The following ARHGEF1 variants were observed in gnomAD, a reference collection of about 807,000 sequenced individuals.
ARHGEF1 encodes 115 kDa guanine nucleotide exchange factor.
In ARHGEF1, 40 loss-of-function variants were observed where a neutral mutation model predicts 119.7. The ratio of observed to expected loss-of-function variants is 0.33; its 90% confidence interval spans 0.26 to 0.44. The LOEUF (loss-of-function observed/expected upper bound fraction) is 0.44. Ranked by LOEUF, ARHGEF1 falls within the 20% of genes least tolerant of loss-of-function variation. The pLI is 1.00. For synonymous variants in ARHGEF1, 494 were observed against 521.0 expected (o/e 0.95, Z 0.71); for missense variants, 976 against 1,268.3 (o/e 0.77, Z 3.50).
At chr19:41,910,096 C>T, downstream of ARHGEF1, 2 of 1,611,826 alleles carry the variant, frequency 1.2e-6, no homozygotes, top group Non-Finnish European at 1.7e-6. This position sits in a 1 kb window ranked among gnomAD's most constrained non-coding sequence, Gnocchi z 4.4. Flanking sequence ...GGAAGGCAAA[C>T]CCTGGGGACG....
chr19:41,910,048 C>T (rs1458573601), downstream of ARHGEF1: 36 of 1,613,500 alleles, frequency 2.2e-5, no homozygotes, highest in African/African-American at 5.3e-5. This position sits in a 1 kb window ranked among gnomAD's most constrained non-coding sequence, Gnocchi z 4.4. Flanking sequence ...GGATCTGCCT[C>T]GAGCCAGGGG....
downstream of ARHGEF1, among the ~76,000 whole-genome samples, chr19:41,911,773 C>T (rs2074753134): frequency 6.6e-6 from 1 of 152,140 alleles, no homozygotes; most frequent in Admixed American, 6.6e-5. Flanking sequence ...GACACCCAAC[C>T]CGATACTCCA....
chr19:41,930,063 A>G (rs1344431846), exon 3 of ARHGEF1: 1 of 152,274 alleles, frequency 6.6e-6, no homozygotes. Flanking sequence ...TACTGCACCA[A>G]GTACCAAGTA....
intron 1 of ARHGEF1, among the ~76,000 whole-genome samples, chr19:41,887,636 AC>A (rs1285297929): frequency 6.6e-6 from 1 of 151,342 alleles, no homozygotes; most frequent in Non-Finnish European, 1.5e-5. Flanking sequence ...ACCAGAGGAG[AC>A]CCCTGCACCC....
At chr19:41,909,819 G>C, downstream of ARHGEF1, 1 of 1,535,898 alleles carries the variant, frequency 6.5e-7, no homozygotes, top group Admixed American at 1.9e-5. The surrounding 1 kb of genome is among the most constrained non-coding windows in gnomAD (Gnocchi z 5.2). Flanking sequence ...GGGACAGTTG[G>C]GGGAAAAGGA....
chr19:41,905,988 C>G lies in ARHGEF1; in HGVS notation c.2454C>G (p.Gly818=), dbSNP rs1555850099. The stretch of plus-strand genomic sequence containing the variant: ...ACCTCCTGCCCTTCTGCAGACCAGG[C>G]CCCGAGGGCCAGCTCGCTGCCACGG... ...LSDLLPFCRP[G]PEGQLAATAL... is the part of the protein sequence containing the mutation. The change falls in exon 26 of 29, where the codon GGC becomes GGG. Residue 818 remains glycine (G), a synonymous_variant. Transcript: ENST00000354532. The surrounding 1 kb of genome is among the most constrained non-coding windows in gnomAD (Gnocchi z 6.4). 1.9e-6 allele frequency: 3 copies of G among 1,613,988 alleles called. No homozygotes were observed. In the African/African-American group the frequency reaches 4.0e-5, roughly 22 times the overall value.
chr19:41,895,251 G>T lies in ARHGEF1; in HGVS notation c.878-98G>T, dbSNP rs370875685. On this transcript the variant is annotated intron_variant, in intron 11 of 28. Coordinates refer to ENST00000354532, the MANE Select transcript of ARHGEF1 (RefSeq NM_004706.4). ...GGAGGAAGGGGCTCCTTGTCATGGTGGGGAAGGGCCTGAGCACAGCCTCTT... is the reference window on the plus strand; with the variant it reads ...GGAGGAAGGGGCTCCTTGTCATGGTTGGGAAGGGCCTGAGCACAGCCTCTT... 2.4e-5 allele frequency: 35 copies of T among 1,451,054 alleles called. 1 individual carries two copies. In the East Asian group the frequency reaches 6.2e-4, roughly 26 times the overall value. The allele number at this position is 1,451,054 out of a possible 1,614,324, so 89.9% of individuals were successfully genotyped here. A position where few individuals can be genotyped will look rare whatever the true frequency, so the allele number is the denominator to read the frequency against.
At position 41,905,189 on chromosome 19, in the gene ARHGEF1, T is replaced by A. The variant is rs1555849859; in HGVS notation, c.2264T>A (p.Ile755Asn). 6.2e-7 allele frequency: 1 copy of A among 1,613,874 alleles called. No individual in the cohort carries two copies. The highest frequency in any genetic ancestry group is 8.5e-7 in the Non-Finnish European group (1 of 1,179,938). Residue 755 changes from isoleucine to asparagine, a missense_variant, in exon 24 of 29, where the codon ATC (isoleucine) becomes AAC (asparagine). By Grantham distance (149) the Ile-to-Asn change is moderately radical (BLOSUM62 -3). Around this residue, in one of 3 missense-constraint regions of ARHGEF1, gnomAD observed 286 missense variants for 506.8 expected, o/e 0.56. Transcript: ENST00000354532. This position sits in a 1 kb window ranked among gnomAD's most constrained non-coding sequence, Gnocchi z 6.4. Reference sequence around the variant, plus strand: ...TTTCTCCCCAGCTGGTGTGCTCTCATCACTGAGACTGCCGGATCCCTGAAA... The same window carrying A: ...TTTCTCCCCAGCTGGTGTGCTCTCAACACTGAGACTGCCGGATCCCTGAAA... ...VSERKNWCAL[I>N]TETAGSLKVP...
rs782448834 is a variant in ARHGEF1 at position 41,906,540 on chromosome 19, G to A, written c.2575G>A (p.Gly859Ser). Residue 859 changes from glycine (G) to serine (S), a missense_variant, in exon 27 of 29, where the codon GGC (glycine) becomes AGC (serine). Physicochemically the swap from Gly to Ser is moderately conservative, Grantham distance 56. Coordinates refer to ENST00000354532, the MANE Select transcript of ARHGEF1 (RefSeq NM_004706.4). The surrounding 1 kb of genome is among the most constrained non-coding windows in gnomAD (Gnocchi z 4.5). The part of the protein sequence containing the change: ...PPRDGDGVPG[G>S]GPLSPARTQE... ...TCGAGATGGGGATGGGGTCCCAGGG[G>A]GCGGCCCCCTGAGCCCAGCACGGAC... The A allele has an allele frequency of 6.3e-7, 1 of 1,583,870 alleles. No homozygotes were observed. The highest frequency in any genetic ancestry group is 8.5e-7 in the Non-Finnish European group (1 of 1,172,400).
At position 41,902,988 on chromosome 19, in the gene ARHGEF1, A is replaced by T; in HGVS notation, c.1738+90A>T. ...TCATTTTCATCAGTGATACCATCACAGCTCACTGCAGCCTCAACCTCCCAG... is the reference window on the plus strand; with the variant it reads ...TCATTTTCATCAGTGATACCATCACTGCTCACTGCAGCCTCAACCTCCCAG... On this transcript the variant is annotated intron_variant, in intron 18 of 28. Coordinates refer to ENST00000354532, the MANE Select transcript of ARHGEF1 (RefSeq NM_004706.4). The surrounding 1 kb of genome is among the most constrained non-coding windows in gnomAD (Gnocchi z 6.5). 9.4e-7 allele frequency: 1 copy of T among 1,066,702 alleles called. No homozygotes were observed. Among genetic ancestry groups the T allele is most frequent in the Non-Finnish European group, 1.3e-6 (1 of 754,772 alleles). 66.1% of individuals were successfully genotyped at this position (1,066,702 alleles called of 1,614,324 possible). A position where few individuals can be genotyped will look rare whatever the true frequency, so the allele number is the denominator to read the frequency against.
downstream of ARHGEF1, chr19:41,907,585 T>G (rs566122439): frequency 1.9e-5 from 12 of 631,002 alleles, no homozygotes; most frequent in East Asian, 3.6e-4. Flanking sequence ...CATTCATTTC[T>G]TTGTTTGAAC....
downstream of ARHGEF1, chr19:41,910,138 C>G (rs1396915231): frequency 1.3e-6 from 2 of 1,575,180 alleles, no homozygotes; most frequent in African/African-American, 2.7e-5. This position sits in a 1 kb window ranked among gnomAD's most constrained non-coding sequence, Gnocchi z 4.4. Context: ...GTCAGGATGC[C>G]AAGTCCAGGG....
chr19:41,884,297 G>T, intron 1 of ARHGEF1: 1 of 928,424 alleles, frequency 1.1e-6, no homozygotes, highest in Non-Finnish European at 1.6e-6. Flanking sequence ...AGCGGCCGGC[G>T]GGAGGAGTAG....
At chr19:41,920,678 A>G (rs1555852402), upstream of ARHGEF1, among the ~76,000 whole-genome samples, 1 of 152,210 alleles carries the variant, frequency 6.6e-6, no homozygotes, top group African/African-American at 2.4e-5. Context: ...ATTCACAGAC[A>G]CTGTGACACA....
downstream of ARHGEF1, chr19:41,909,933 C>T: frequency 1.2e-6 from 2 of 1,613,914 alleles, no homozygotes; most frequent in Non-Finnish European, 1.7e-6. This position sits in a 1 kb window ranked among gnomAD's most constrained non-coding sequence, Gnocchi z 5.2. Context: ...AGCCGGGCCA[C>T]CTCATCGGGG....
downstream of ARHGEF1, chr19:41,908,290 C>A: frequency 1.1e-5 from 13 of 1,231,592 alleles, no homozygotes; most frequent in Non-Finnish European, 1.3e-5. This position sits in a 1 kb window ranked among gnomAD's most constrained non-coding sequence, Gnocchi z 6.7. Context: ...CCCTCATCGC[C>A]CTCGCTGTCA....
chr19:41,897,162 G>A (rs782423809), intron 13 of ARHGEF1: 3 of 629,070 alleles, frequency 4.8e-6, no homozygotes, highest in Non-Finnish European at 7.2e-6. Context: ...TCTGCTCTGT[G>A]CCCTGGGGGC....
chr19:41,909,046 C>T, downstream of ARHGEF1: 1 of 1,222,970 alleles, frequency 8.2e-7, no homozygotes. This position sits in a 1 kb window ranked among gnomAD's most constrained non-coding sequence, Gnocchi z 5.2. Flanking sequence ...ACCCCAGAAC[C>T]TCCAGGCTCT....
chr19:41,897,294 C>G (rs1205009622), intron 13 of ARHGEF1: 1 of 1,279,300 alleles, frequency 7.8e-7, no homozygotes, highest in Admixed American at 2.3e-5. Context: ...CACCTCTGAC[C>G]CTGTGCCCCT....
Sources: gnomAD v4.1 joint callset for allele counts (sites outside exome capture counted in the v4.1 genomes callset) on GRCh38, gnomAD v4.1.1 for gene constraint, gnomAD v4.1.1 regional missense constraint, Gnocchi (gnomAD v3.1) non-coding constraint, MANE v1.5 for transcripts, NCBI Gene and HGNC (gene_info 2026-07-23, HGNC 2026-07-21) for gene names.